The following RBM19 variants were observed in gnomAD, a reference collection of about 807,000 sequenced individuals.
The protein encoded by RBM19 is RNA binding motif protein 19.
Under a neutral mutation model 116.8 loss-of-function variants are expected in RBM19, and 94 were observed. The observed-to-expected ratio is 0.80, with a 90% confidence interval of 0.68 to 0.95. The LOEUF (loss-of-function observed/expected upper bound fraction) is 0.95, where lower values mean the gene tolerates loss of function less well. Ranked by LOEUF, RBM19 falls within the 40% of genes least tolerant of loss-of-function variation. The pLI, the probability that RBM19 is intolerant of heterozygous loss-of-function variation, is 0.00. For synonymous variants in RBM19, 475 were observed against 494.1 expected (o/e 0.96, Z 0.51); for missense variants, 1,161 against 1,220.7 (o/e 0.95, Z 0.73).
At chr12:113,859,531 G>A (rs969662628) in intron 21 of RBM19, among the ~76,000 whole-genome samples, 1 of 152,184 alleles carries the variant, frequency 6.6e-6, no homozygotes, top group African/African-American at 2.4e-5. Context: ...GTCAGGCAAA[G>A]CTCTGGAGAA....
chr12:113,851,354 A>G (rs1237586232), intron 22 of RBM19, among the ~76,000 whole-genome samples: 3 of 152,186 alleles, frequency 2.0e-5, no homozygotes, highest in African/African-American at 7.2e-5. Flanking sequence ...TGGGGAGCTG[A>G]TTGTGAGGCA....
At chr12:113,931,220 G>C (rs1255712806) in intron 16 of RBM19, among the ~76,000 whole-genome samples, 2 of 152,110 alleles carry the variant, frequency 1.3e-5, no homozygotes, top group African/African-American at 4.8e-5. Context: ...GCAAAGTGCA[G>C]GTGTATACAG....
At chr12:113,887,572 T>A (rs1880616397) in intron 21 of RBM19, among the ~76,000 whole-genome samples, 1 of 126,542 alleles carries the variant, frequency 7.9e-6, no homozygotes, top group African/African-American at 3.0e-5. Flanking sequence ...GGGAGTGAGG[T>A]TGCAGTGAGC....
Position 113,909,860 on chromosome 12 carries a change from G to A in RBM19, c.2558+5109C>T, listed in dbSNP as rs1048718486. Among the ~76,000 whole-genome samples, 77 of 152,282 alleles carry A rather than the reference G, an allele frequency of 5.1e-4. 1 individual carries two copies. Among genetic ancestry groups the A allele is most frequent in the Admixed American group, 5.0e-3 (76 of 15,306 alleles). On this transcript the variant is annotated intron_variant, in intron 21 of 23. Transcript: ENST00000261741. Reference sequence around the variant, plus strand: ...TACGCTGGCTGGGAGCTTTTCATGAGCCCGGCACTACGCTAGGCGTCTCAC... The same window carrying A: ...TACGCTGGCTGGGAGCTTTTCATGAACCCGGCACTACGCTAGGCGTCTCAC...
intron 22 of RBM19, among the ~76,000 whole-genome samples, chr12:113,849,314 C>G (rs867018419): frequency 1.3e-5 from 2 of 152,238 alleles, no homozygotes; most frequent in African/African-American, 4.8e-5. Context: ...AGTCAATGTT[C>G]ACAAAGCACA....
chr12:113,868,042 C>T (rs1479048194), intron 21 of RBM19, among the ~76,000 whole-genome samples: 1 of 152,194 alleles, frequency 6.6e-6, no homozygotes. Context: ...TCGGTAGTCA[C>T]ACCCTTTATT....
chr12:113,916,039 T>C (rs575984067), intron 20 of RBM19, among the ~76,000 whole-genome samples: 1 of 152,190 alleles, frequency 6.6e-6, no homozygotes, highest in Non-Finnish European at 1.5e-5. Flanking sequence ...TTCTTTTTTT[T>C]GTCTTGTCAT....
At chr12:113,836,826 A>ACCCCCCCCC (rs1565964453) in intron 23 of RBM19, among the ~76,000 whole-genome samples, 1 of 84,350 alleles carries the variant, frequency 1.2e-5, no homozygotes, top group Admixed American at 1.1e-4. Flanking sequence ...CTACATACAT[A>ACCCCCCCCC]CACACACACA....
At chr12:113,883,227 T>C (rs1880278444) in intron 21 of RBM19, among the ~76,000 whole-genome samples, 1 of 152,114 alleles carries the variant, frequency 6.6e-6, no homozygotes, top group African/African-American at 2.4e-5. Context: ...ACAGTGACAG[T>C]AGGAAATGGT....
intron 21 of RBM19, among the ~76,000 whole-genome samples, chr12:113,901,602 G>A (rs916417777): frequency 6.6e-6 from 1 of 152,158 alleles, no homozygotes; most frequent in African/African-American, 2.4e-5. Flanking sequence ...TCCACCTCCT[G>A]GGTTCAAGTG....
intron 16 of RBM19, among the ~76,000 whole-genome samples, chr12:113,928,378 AC>A (rs1869302652): frequency 6.6e-6 from 1 of 150,382 alleles, no homozygotes; most frequent in Admixed American, 6.6e-5. Flanking sequence ...CAACAACAAA[AC>A]CATGATCTGC....
At chr12:113,895,089 C>T (rs1046685051) in intron 21 of RBM19, among the ~76,000 whole-genome samples, 18 of 152,236 alleles carry the variant, frequency 1.2e-4, no homozygotes, top group African/African-American at 4.1e-4. Context: ...AAGGATGAAA[C>T]AGGGCCCAGC....
At chr12:113,872,209 C>A (rs1391812648) in intron 21 of RBM19, among the ~76,000 whole-genome samples, 1 of 147,744 alleles carries the variant, frequency 6.8e-6, no homozygotes, top group Non-Finnish European at 1.5e-5. Flanking sequence ...CGCCTCTGCC[C>A]GGCCGAGACC....
intron 6 of RBM19, among the ~76,000 whole-genome samples, chr12:113,956,576 C>CAA (rs10592306): frequency 0.018 from 1,173 of 65,644 alleles, 37 homozygotes; most frequent in African/African-American, 0.026. Context: ...AAGACTGTCT[C>CAA]AAAAAAAAAA....
chr12:113,907,631 G>GT (rs1169828553), intron 21 of RBM19, among the ~76,000 whole-genome samples: 1 of 152,184 alleles, frequency 6.6e-6, no homozygotes, highest in African/African-American at 2.4e-5. Context: ...TGTAACCCCT[G>GT]TATGTTTTAT....
At chr12:113,920,812 T>TC in intron 18 of RBM19, 122 bp from the exon 19 acceptor site, 6 of 850,772 alleles carry the variant, frequency 7.1e-6, no homozygotes, top group Non-Finnish European at 5.7e-6. Flanking sequence ...CCCCCTTCAT[T>TC]CCCCCCAAAA....
chr12:113,906,025 C>T (rs149217231), intron 21 of RBM19, among the ~76,000 whole-genome samples: 454 of 152,264 alleles, frequency 3.0e-3, no homozygotes, highest in Non-Finnish European at 4.3e-3. Flanking sequence ...TGGAAGGAAG[C>T]GCAAACTGAT....
At chr12:113,944,894 T>C (rs1375452023) in intron 13 of RBM19, among the ~76,000 whole-genome samples, 1 of 151,846 alleles carries the variant, frequency 6.6e-6, no homozygotes, top group East Asian at 1.9e-4. Flanking sequence ...TTTATATACA[T>C]ATACACACAC....
At chr12:113,840,803 C>T (rs1431037265) in intron 23 of RBM19, among the ~76,000 whole-genome samples, 1 of 152,206 alleles carries the variant, frequency 6.6e-6, no homozygotes, top group Non-Finnish European at 1.5e-5. Flanking sequence ...AATATCACTT[C>T]CTCCCCCTGC....
Sources: gnomAD v4.1 joint callset for allele counts (sites outside exome capture counted in the v4.1 genomes callset) on GRCh38, gnomAD v4.1.1 for gene constraint, MANE v1.5 for transcripts, NCBI Gene and HGNC (gene_info 2026-07-23, HGNC 2026-07-21) for gene names.